Variants in BRD4 observed in about 807,000 individuals in gnomAD.
BRD4 encodes the protein bromodomain containing 4, also known as bromodomain-containing protein 4.
A neutral mutation model predicts 142.1 loss-of-function variants in BRD4; 16 were observed. The observed-to-expected ratio is 0.11, with a 90% CI of 0.08 to 0.17. The LOEUF is 0.17. BRD4 is among the 10% of genes least tolerant of loss of function. The pLI is 1.00. For missense variants in BRD4, 1,424 were observed against 1,810.9 expected, an observed-to-expected ratio of 0.79 and a Z score of 3.88; for synonymous variants, 833 against 707.5, an observed-to-expected ratio of 1.18 and a Z score of -2.82.
intron 14 of BRD4, among the ~76,000 whole-genome samples, chr19:15,240,900 C>A (rs2047233105): frequency 6.6e-6 from 1 of 152,204 alleles, no homozygotes; most frequent in Admixed American, 6.5e-5. Context: ...CGCTTTTGCT[C>A]CCAGCCTAGC....
intron 1 of BRD4, among the ~76,000 whole-genome samples, chr19:15,308,523 G>A (rs1012945006): frequency 7.3e-5 from 11 of 151,244 alleles, no homozygotes; most frequent in African/African-American, 1.7e-4. Flanking sequence ...GGAAGCGGAC[G>A]TTGCAGTGAG....
intron 2 of BRD4, among the ~76,000 whole-genome samples, chr19:15,272,149 C>T (rs2047594854): frequency 6.6e-6 from 1 of 152,128 alleles, no homozygotes. Flanking sequence ...GAACAGTTTG[C>T]TAGGGACATG....
At chr19:15,321,117 C>T (rs1351811814) in intron 1 of BRD4, among the ~76,000 whole-genome samples, 1 of 152,056 alleles carries the variant, frequency 6.6e-6, no homozygotes, top group Non-Finnish European at 1.5e-5. Flanking sequence ...GCCTCTAATC[C>T]CAGCTACTCG....
At chr19:15,326,953 T>G (rs1485350709) in intron 1 of BRD4, among the ~76,000 whole-genome samples, 1 of 152,220 alleles carries the variant, frequency 6.6e-6, no homozygotes, top group Non-Finnish European at 1.5e-5. Context: ...GAGACTGTTC[T>G]CTATGGAGCA....
intron 1 of BRD4, among the ~76,000 whole-genome samples, chr19:15,312,600 C>G (rs139173452): frequency 6.6e-6 from 1 of 152,092 alleles, no homozygotes; most frequent in East Asian, 1.9e-4. Context: ...CCATTGCACT[C>G]CAGCCTGGGC....
rs1243359250 is a variant in BRD4, at chr19:15,244,404, G to A, written c.2408C>T (p.Thr803Ile). 1 of 1,601,404 alleles carries A rather than the reference G, an allele frequency of 6.2e-7. No homozygotes were observed. The highest frequency in any genetic ancestry group is 1.1e-5 in the South Asian group (1 of 89,648). The change falls in exon 13 of 20, where the codon ACC becomes ATC. Residue 803 changes from threonine to isoleucine, a missense_variant. Physicochemically the swap from Thr to Ile is moderately conservative, Grantham distance 89. Coordinates refer to ENST00000679869, the MANE Select transcript of BRD4 (RefSeq NM_001379291.1). ...MKSSPPPFIA[T>I]QVPVLEPQLP... The stretch of plus-strand genomic sequence containing the variant: ...CTGGGGCTCCAGGACGGGCACCTGG[G>A]TGGCAATGAAGGGTGGGGGCGAGGA...
intron 7 of BRD4, among the ~76,000 whole-genome samples, chr19:15,261,451 C>T (rs1240378603): frequency 1.3e-5 from 2 of 151,646 alleles, no homozygotes; most frequent in South Asian, 2.1e-4. Context: ...CACTGCACTC[C>T]AGCCTGGGCG....
At chr19:15,294,874 G>A (rs1444504858) in intron 1 of BRD4, among the ~76,000 whole-genome samples, 1 of 152,170 alleles carries the variant, frequency 6.6e-6, no homozygotes, top group Non-Finnish European at 1.5e-5. Context: ...ATTGAAAGGT[G>A]TGCAGGCTGT....
intron 1 of BRD4, among the ~76,000 whole-genome samples, chr19:15,331,161 T>TA (rs1236743936): frequency 1.3e-5 from 2 of 151,696 alleles, no homozygotes; most frequent in South Asian, 2.1e-4. Context: ...ATAAAAATCT[T>TA]AAAAAAACAA....
rs184165215 is a variant in BRD4 at position 15,304,022 on chromosome 19, G to A, written c.-35+28268C>T. Among the ~76,000 whole-genome samples the A allele has an allele frequency of 4.6e-5, 7 of 152,228 alleles. No individual in the cohort carries two copies. The East Asian group carries it at 1.2e-3, about 25-fold the overall frequency. ...CCAAGGTAGGATGAAAGAGCTCAGG[G>A]TACAAAGAAATATCCACTCATCCGT... On this transcript the variant is annotated intron_variant, in intron 1 of 19. Transcript: ENST00000679869.
chr19:15,288,494 C>A (rs1248172858), intron 1 of BRD4, among the ~76,000 whole-genome samples: 3 of 152,198 alleles, frequency 2.0e-5, no homozygotes, highest in Non-Finnish European at 2.9e-5. Context: ...CAGCTCCTTC[C>A]CAGAAGATGT....
chr19:15,300,061 T>C (rs1010569785), intron 1 of BRD4, among the ~76,000 whole-genome samples: 2 of 151,730 alleles, frequency 1.3e-5, no homozygotes, highest in Admixed American at 1.3e-4. Context: ...CTGGACAACA[T>C]AGTGAAACTC....
chr19:15,322,554 C>CA (rs35831959), intron 1 of BRD4, among the ~76,000 whole-genome samples: 24,452 of 124,160 alleles, frequency 0.2, 2,293 homozygotes, highest in Middle Eastern at 0.24. Context: ...CTAAAACATA[C>CA]AAAAAAAAAA....
At position 15,243,026 on chromosome 19, in the gene BRD4, G is replaced by T. The variant is rs1165925036; in HGVS notation, c.3043C>A (p.Gln1015Lys). The change falls in exon 14 of 20, where the codon CAG (glutamine) becomes AAG (lysine). Residue 1015 changes from glutamine (Q) to lysine (K), a missense_variant. Coordinates refer to ENST00000679869, the MANE Select transcript of BRD4 (RefSeq NM_001379291.1). The stretch of plus-strand genomic sequence containing the variant: ...GGCGGATGGGGGGGCTGCTGGCCCT[G>T]GGGTGGCGGGGGCTGTTGGATGTGG... ...STHIQQPPPP[Q>K]GQQPPHPPPG... 3 of 1,531,708 alleles carry T rather than the reference G, an allele frequency of 2.0e-6. No homozygotes were observed. Among genetic ancestry groups the T allele is most frequent in the African/African-American group, 2.8e-5 (2 of 71,726 alleles). 94.9% of individuals were successfully genotyped at this position (1,531,708 alleles called of 1,614,324 possible).
intron 1 of BRD4, among the ~76,000 whole-genome samples, chr19:15,330,930 T>C (rs1027414434): frequency 5.3e-5 from 8 of 152,120 alleles, no homozygotes; most frequent in Admixed American, 1.3e-4. Context: ...CTCCCGACCA[T>C]TGTTACAGCC....
In BRD4 at chr19:15,272,962, C is replaced by T. The variant is rs139655217; in HGVS notation, c.138G>A (p.Pro46=). The T allele has an allele frequency of 2.0e-4, 318 of 1,613,836 alleles. No individual in the cohort carries two copies. The highest frequency in any genetic ancestry group is 2.5e-4 in the Non-Finnish European group (296 of 1,180,000). The change falls in exon 2 of 20, where the codon CCG becomes CCA. Residue 46 remains proline, a synonymous_variant. Coordinates refer to ENST00000679869, the MANE Select transcript of BRD4 (RefSeq NM_001379291.1). ...TGTTAGGGTTGGAGGTCTCTGGGGG[C>T]GGGGGGTTGGTGCTGGCTGCGTTGG... ...QPANAASTNP[P]PPETSNPNKP... is the part of the protein sequence containing the mutation.
At chr19:15,305,456 G>C (rs1196193298) in intron 1 of BRD4, among the ~76,000 whole-genome samples, 1 of 152,196 alleles carries the variant, frequency 6.6e-6, no homozygotes, top group Admixed American at 6.5e-5. Flanking sequence ...TCCATCAGAG[G>C]TCTTGGGTGA....
At chr19:15,253,269 C>T (rs2047367157) in intron 11 of BRD4, 3 of 495,802 alleles carry the variant, frequency 6.1e-6, no homozygotes, top group Admixed American at 7.6e-5. Flanking sequence ...TTCTGGGCAC[C>T]ATGGCTCCCT....
intron 1 of BRD4, among the ~76,000 whole-genome samples, chr19:15,327,186 A>G (rs536117049): frequency 2.0e-5 from 3 of 152,186 alleles, no homozygotes; most frequent in Non-Finnish European, 4.4e-5. Flanking sequence ...AAAAACTTAA[A>G]CATAGATATA....
Sources: allele counts gnomAD v4.1 joint callset (sites outside exome capture counted in the v4.1 genomes callset), GRCh38; gene constraint gnomAD v4.1.1; transcripts MANE v1.5; gene names NCBI Gene and HGNC (gene_info 2026-07-23, HGNC 2026-07-21).